THSD7B: variants seen among roughly 807,000 people sequenced by gnomAD.
THSD7B encodes the protein thrombospondin type 1 domain containing 7B, also known as thrombospondin type-1 domain-containing protein 7B.
Under a neutral mutation model 213.6 loss-of-function variants are expected in THSD7B, and 138 were observed. The ratio of observed to expected loss-of-function variants is 0.65; its 90% CI spans 0.56 to 0.74. THSD7B has a LOEUF of 0.74. THSD7B is among the 30% of genes least tolerant of loss of function. The pLI, the probability that THSD7B is intolerant of heterozygous loss-of-function variation, is 0.00. For synonymous variants in THSD7B, 742 were observed against 687.0 expected, an observed-to-expected ratio of 1.08 and a Z score of -1.25; for missense variants, 1,931 against 1,991.5, an observed-to-expected ratio of 0.97 and a Z score of 0.58.
intron 12 of THSD7B, among the ~76,000 whole-genome samples, chr2:137,343,605 G>A (rs1030067683): frequency 6.6e-6 from 1 of 151,636 alleles, no homozygotes; most frequent in Non-Finnish European, 1.5e-5. Context: ...AGGATGTTTA[G>A]ACTTTGTCCC....
At chr2:137,101,042 G>T (rs1434260249) in intron 4 of THSD7B, among the ~76,000 whole-genome samples, 2 of 152,050 alleles carry the variant, frequency 1.3e-5, no homozygotes, top group South Asian at 2.1e-4. Context: ...TCTTTTTGTT[G>T]TCATTTGTTT....
At chr2:136,775,540 T>G (rs1286032471) in intron 1 of THSD7B, among the ~76,000 whole-genome samples, 2 of 152,128 alleles carry the variant, frequency 1.3e-5, no homozygotes, top group Non-Finnish European at 2.9e-5. Context: ...ATTATTTTGT[T>G]CAGGGGATAA....
chr2:137,639,966 C>T lies in THSD7B; in HGVS notation c.3800-2522C>T, dbSNP rs559060642. The stretch of plus-strand genomic sequence containing the variant: ...CTCAGATGAGACTTTGGACTGTGGA[C>T]TTTTGGGTTAATGCTGAAATGAGTT... On this transcript the variant is annotated intron_variant, in intron 20 of 27. Coordinates refer to ENST00000409968, the MANE Select transcript of THSD7B (RefSeq NM_001316349.2). 1.2e-4 allele frequency among the ~76,000 whole-genome samples: 18 copies of T among 152,194 alleles called. No homozygotes were observed. In the South Asian group the frequency reaches 3.5e-3, roughly 30 times the overall value.
intron 17 of THSD7B, among the ~76,000 whole-genome samples, chr2:137,606,805 G>T (rs1019789758): frequency 6.6e-6 from 1 of 152,114 alleles, no homozygotes; most frequent in East Asian, 1.9e-4. Flanking sequence ...GAGGAAGGAG[G>T]AGGAGAAGGA....
At chr2:136,803,901 C>T (rs187336133) in intron 1 of THSD7B, among the ~76,000 whole-genome samples, 1 of 152,290 alleles carries the variant, frequency 6.6e-6, no homozygotes, top group Admixed American at 6.5e-5. Context: ...TTCACCCTTC[C>T]TCTGCCTTTT....
chr2:136,870,236 T>C (rs764269227), intron 1 of THSD7B, among the ~76,000 whole-genome samples: 20 of 152,254 alleles, frequency 1.3e-4, no homozygotes, highest in African/African-American at 1.7e-4. Context: ...TAAAATAGCC[T>C]AATTTTTCAG....
At chr2:136,913,888 T>A (rs1404960342) in intron 2 of THSD7B, among the ~76,000 whole-genome samples, 2 of 152,204 alleles carry the variant, frequency 1.3e-5, no homozygotes, top group Admixed American at 6.5e-5. Flanking sequence ...GGAGCCCCCA[T>A]GCAGAGTCCC....
chr2:137,301,474 A>G (rs1683598782), intron 12 of THSD7B, among the ~76,000 whole-genome samples: 1 of 152,178 alleles, frequency 6.6e-6, no homozygotes, highest in South Asian at 2.1e-4. Flanking sequence ...AGAAATGGAT[A>G]GTATATGATA....
At chr2:137,254,166 T>G (rs549157868) in intron 10 of THSD7B, among the ~76,000 whole-genome samples, 66 of 152,332 alleles carry the variant, frequency 4.3e-4, no homozygotes, top group African/African-American at 1.6e-3. Context: ...ATTAAGTTGC[T>G]ACATATAGAT....
chr2:137,333,562 C>T (rs945153060), intron 12 of THSD7B, among the ~76,000 whole-genome samples: 9 of 152,204 alleles, frequency 5.9e-5, no homozygotes, highest in Non-Finnish European at 2.9e-5. Flanking sequence ...GCACATCCTG[C>T]ACTTCATCCT....
Position 137,271,683 on chromosome 2 carries a change from G to A in THSD7B, c.2267-850G>A, listed in dbSNP as rs149478668. Among the ~76,000 whole-genome samples the A allele has an allele frequency of 7.6e-4, 115 of 151,696 alleles. 2 individuals are homozygous for A. The highest frequency in any genetic ancestry group is 2.2e-3 in the African/African-American group (90 of 41,396). ...ACACTGCAATGTCTTCTAACTAGTC[G>A]TATATATGTCTGCCCCTTTTCTTCT... On this transcript the variant is annotated intron_variant, in intron 10 of 27. Coordinates refer to ENST00000409968, the MANE Select transcript of THSD7B (RefSeq NM_001316349.2).
intron 5 of THSD7B, among the ~76,000 whole-genome samples, chr2:137,138,246 T>C (rs189997333): frequency 6.4e-4 from 98 of 152,254 alleles, no homozygotes; most frequent in African/African-American, 2.3e-3. Context: ...TTTGAGTAAG[T>C]AATTGAGAGT....
chr2:137,543,281 C>T (rs762537057), intron 15 of THSD7B, among the ~76,000 whole-genome samples: 1 of 151,748 alleles, frequency 6.6e-6, no homozygotes, highest in Non-Finnish European at 1.5e-5. Flanking sequence ...TTTTGCTATA[C>T]AGAAAATATG....
At chr2:137,434,490 G>C (rs1378596194) in intron 14 of THSD7B, among the ~76,000 whole-genome samples, 2 of 152,190 alleles carry the variant, frequency 1.3e-5, no homozygotes, top group Non-Finnish European at 2.9e-5. Flanking sequence ...GTTAGGCCCA[G>C]ACCTCCTGGG....
At position 137,572,525 on chromosome 2, in the gene THSD7B, C is replaced by G. The variant is rs866927508; in HGVS notation, c.3392C>G (p.Ser1131Cys). Reference sequence around the variant, plus strand: ...ATGTGTCCCAATGAGTGTGTCATGTCTGAGTGGGGACTTTGGAGCAAATGC... The same window carrying G: ...ATGTGTCCCAATGAGTGTGTCATGTGTGAGTGGGGACTTTGGAGCAAATGC... ...SLMCPNECVM[S>C]EWGLWSKCPQ... The change falls in exon 17 of 28, where the codon TCT (serine) becomes TGT (cysteine). Residue 1131 changes from serine to cysteine, a missense_variant. Physicochemically the swap from Ser to Cys is moderately radical, Grantham distance 112. Transcript: ENST00000409968. The G allele has an allele frequency of 1.2e-6, 2 of 1,613,748 alleles. No individual in the cohort carries two copies. The highest frequency in any genetic ancestry group is 2.7e-5 in the African/African-American group (2 of 74,908).
At chr2:137,519,949 C>T (rs899197227) in intron 15 of THSD7B, among the ~76,000 whole-genome samples, 3 of 152,190 alleles carry the variant, frequency 2.0e-5, no homozygotes, top group African/African-American at 7.2e-5. Flanking sequence ...GTACCTGTTA[C>T]TATTTCCTTT....
intron 15 of THSD7B, among the ~76,000 whole-genome samples, chr2:137,539,785 G>A (rs577311292): frequency 6.6e-6 from 1 of 151,578 alleles, no homozygotes; most frequent in Admixed American, 6.6e-5. Flanking sequence ...TTCGTGGATT[G>A]TTTGAGCTTA....
At chr2:136,774,670 G>T (rs1236392293) in intron 1 of THSD7B, among the ~76,000 whole-genome samples, 1 of 152,020 alleles carries the variant, frequency 6.6e-6, no homozygotes, top group Non-Finnish European at 1.5e-5. Context: ...AGAATATTAA[G>T]AACAAGACGT....
chr2:136,887,300 TTGTGTG>T (rs3084772), intron 2 of THSD7B, among the ~76,000 whole-genome samples: 163 of 148,572 alleles, frequency 1.1e-3, no homozygotes, highest in African/African-American at 3.6e-3. Context: ...TCCATATTTG[TTGTGTG>T]TGTGTGTGTG....
Sources: gnomAD v4.1 joint callset for allele counts (sites outside exome capture counted in the v4.1 genomes callset) on GRCh38, gnomAD v4.1.1 for gene constraint, MANE v1.5 for transcripts, NCBI Gene and HGNC (gene_info 2026-07-23, HGNC 2026-07-21) for gene names.